TWIST2: variants seen among roughly 807,000 people sequenced by gnomAD.
TWIST2 encodes twist family bHLH transcription factor 2.
Under a neutral mutation model 11.6 loss-of-function variants are expected in TWIST2, and 1 was observed. That is an observed-to-expected ratio of 0.09 (90% confidence interval 0.03 to 0.41). TWIST2 has a LOEUF of 0.41. Among genes scored for constraint, TWIST2 ranks in the 10% least tolerant of loss-of-function variants. The probability of loss-of-function intolerance (pLI) is 0.98; values close to 1 mark genes in which losing one functional copy is unlikely to be tolerated. For missense variants in TWIST2, 168 were observed against 226.4 expected (o/e 0.74, Z 1.66); for synonymous variants, 87 against 96.6 (o/e 0.90, Z 0.58).
chr2:238,861,073 G>C (rs901296592), intron 1 of TWIST2, among the ~76,000 whole-genome samples: 3 of 152,232 alleles, frequency 2.0e-5, no homozygotes, highest in Non-Finnish European at 4.4e-5. Context: ...TGCCAAGAGA[G>C]AGGACTCCAG....
chr2:238,893,834 G>T (rs989529891), intron 1 of TWIST2, among the ~76,000 whole-genome samples: 1 of 152,124 alleles, frequency 6.6e-6, no homozygotes, highest in Non-Finnish European at 1.5e-5. Context: ...GCCTGCACCC[G>T]GCTGAGCCTG....
At chr2:238,903,290 G>A (rs1209689241) in intron 1 of TWIST2, among the ~76,000 whole-genome samples, 1 of 148,382 alleles carries the variant, frequency 6.7e-6, no homozygotes, top group African/African-American at 2.5e-5. Flanking sequence ...TCTAATGTGA[G>A]GTGTGTGATG....
chr2:238,894,308 C>T (rs1002192419), intron 1 of TWIST2, among the ~76,000 whole-genome samples: 2 of 152,148 alleles, frequency 1.3e-5, no homozygotes, highest in Non-Finnish European at 2.9e-5. Context: ...TTGTTGCCCC[C>T]GAGATGACTC....
At chr2:238,884,624 C>A (rs1403617438) in intron 1 of TWIST2, among the ~76,000 whole-genome samples, 1 of 152,198 alleles carries the variant, frequency 6.6e-6, no homozygotes, top group East Asian at 1.9e-4. Context: ...TGCCAGGGGG[C>A]TGGGGCAGGC....
At chr2:238,896,531 T>C (rs1024382223) in intron 1 of TWIST2, among the ~76,000 whole-genome samples, 38 of 152,134 alleles carry the variant, frequency 2.5e-4, no homozygotes, top group African/African-American at 8.4e-4. Flanking sequence ...CTCCCTAATA[T>C]CAGGCTGCCA....
At chr2:238,904,971 AAG>A (rs1209224205) in intron 1 of TWIST2, among the ~76,000 whole-genome samples, 2 of 152,044 alleles carry the variant, frequency 1.3e-5, no homozygotes, top group African/African-American at 2.4e-5. Flanking sequence ...GGAAGGAAGG[AAG>A]AGAGAAAGAA....
chr2:238,903,409 G>T (rs1213179191), intron 1 of TWIST2, among the ~76,000 whole-genome samples: 2 of 145,012 alleles, frequency 1.4e-5, no homozygotes, highest in African/African-American at 5.1e-5. Context: ...CTAATGTGAG[G>T]TGTGTGTGTG....
rs954899246 is a variant in TWIST2 at position 238,898,157 on chromosome 2, G to A, written c.*36-11685G>A. On this transcript the variant is annotated intron_variant, in intron 1 of 1. Transcript: ENST00000612363. ...GGCCCGGGTGCTGGGGGTGGGGCCA[G>A]CCCCGAGCAGGGAGCATCTTGCCTG... 6.1e-3 allele frequency among the ~76,000 whole-genome samples: 927 copies of A among 152,336 alleles called. 7 individuals are homozygous for A. Among genetic ancestry groups the A allele is most frequent in the African/African-American group, 0.021 (855 of 41,576 alleles).
chr2:238,861,612 C>T (rs757534367), intron 1 of TWIST2, among the ~76,000 whole-genome samples: 23 of 152,124 alleles, frequency 1.5e-4, no homozygotes, highest in African/African-American at 4.8e-4. Context: ...AAGGTGAGAC[C>T]GTGGTGTCAG....
chr2:238,909,157 G>GTGTA (rs1693410419), intron 1 of TWIST2, among the ~76,000 whole-genome samples: 711 of 26,100 alleles, frequency 0.027, 59 homozygotes, highest in Non-Finnish European at 0.041. Flanking sequence ...TGTATGTGGT[G>GTGTA]TGTAGTGTGG....
chr2:238,896,384 C>T (rs970557074), intron 1 of TWIST2, among the ~76,000 whole-genome samples: 13 of 152,346 alleles, frequency 8.5e-5, no homozygotes, highest in Non-Finnish European at 1.3e-4. Context: ...AGGCTCCCTG[C>T]AGGACCCCAT....
intron 1 of TWIST2, among the ~76,000 whole-genome samples, chr2:238,908,785 A>G (rs1459202513): frequency 1.3e-5 from 2 of 149,226 alleles, no homozygotes; most frequent in Non-Finnish European, 3.0e-5. Flanking sequence ...TGAGGTGTGT[A>G]TGGACAGTGG....
Position 238,867,665 on chromosome 2 carries a change from G to A in TWIST2, c.*35+18932G>A, listed in dbSNP as rs1692567945. ...ATCACAGAGGGGTGGCCGAGGCTGGGGCACAGGCTGGATGCAAGGCAGATG... is the reference window on the plus strand; with the variant it reads ...ATCACAGAGGGGTGGCCGAGGCTGGAGCACAGGCTGGATGCAAGGCAGATG... On this transcript the variant is annotated intron_variant, in intron 1 of 1. Transcript: ENST00000612363. This position sits in a 1 kb window ranked among gnomAD's most constrained non-coding sequence, Gnocchi z 4.8. 6.6e-6 allele frequency among the ~76,000 whole-genome samples: 1 copy of A among 152,178 alleles called. No homozygotes were observed. Among genetic ancestry groups the A allele is most frequent in the Non-Finnish European group, 1.5e-5 (1 of 68,036 alleles).
At chr2:238,855,811 G>A (rs1480203549) in intron 1 of TWIST2, among the ~76,000 whole-genome samples, 1 of 152,178 alleles carries the variant, frequency 6.6e-6, no homozygotes, top group East Asian at 1.9e-4. Context: ...TCTGAGCAAA[G>A]GTCATCTAGG....
intron 1 of TWIST2, among the ~76,000 whole-genome samples, chr2:238,895,265 C>T (rs1205232680): frequency 6.6e-6 from 1 of 152,374 alleles, no homozygotes; most frequent in East Asian, 1.9e-4. Context: ...AGCTGACTTG[C>T]GTTCTGGGGG....
chr2:238,855,951 A>C (rs1406459498), intron 1 of TWIST2, among the ~76,000 whole-genome samples: 2 of 152,182 alleles, frequency 1.3e-5, no homozygotes, highest in Non-Finnish European at 2.9e-5. Flanking sequence ...CTGATACCAG[A>C]ACAGGAGTGC....
intron 1 of TWIST2, among the ~76,000 whole-genome samples, chr2:238,891,206 C>A (rs950168520): frequency 1.3e-5 from 2 of 152,214 alleles, no homozygotes; most frequent in Admixed American, 1.3e-4. Flanking sequence ...CCAGAGCCGT[C>A]CCCAGCTCCA....
intron 1 of TWIST2, among the ~76,000 whole-genome samples, 197 bp downstream of exon 1, chr2:238,848,930 A>G (rs558236907): frequency 6.6e-6 from 1 of 152,034 alleles, no homozygotes; most frequent in Admixed American, 6.5e-5. Context: ...CTGAGTGCAG[A>G]CTTCCACGCG....
chr2:238,851,999 A>C (rs1022820494), intron 1 of TWIST2, among the ~76,000 whole-genome samples: 13 of 152,168 alleles, frequency 8.5e-5, no homozygotes, highest in African/African-American at 2.4e-4. Context: ...TTTGAGATAG[A>C]ATACTTCACT....
Sources: allele counts gnomAD v4.1 joint callset (sites outside exome capture counted in the v4.1 genomes callset), GRCh38; gene constraint gnomAD v4.1.1; non-coding constraint Gnocchi (gnomAD v3.1); transcripts MANE v1.5; gene names NCBI Gene and HGNC (gene_info 2026-07-23, HGNC 2026-07-21).